RPS24: variants seen among roughly 807,000 people sequenced by gnomAD.
RPS24 encodes the protein small ribosomal subunit protein eS24.
For synonymous variants in RPS24, 72 were observed against 55.6 expected (o/e 1.30, Z -1.31); for missense variants, 100 against 162.5 (o/e 0.62, Z 2.09).
At position 78,040,133 on chromosome 10, in the gene RPS24, T is replaced by C; in HGVS notation, c.391-71T>C. The C allele has an allele frequency of 2.0e-6, 3 of 1,464,356 alleles. No homozygotes were observed. In the South Asian group the frequency reaches 3.4e-5, roughly 17 times the overall value. 90.7% of individuals were successfully genotyped at this position (1,464,356 alleles called of 1,614,324 possible). A position where few individuals can be genotyped will look rare whatever the true frequency, so the allele number is the denominator to read the frequency against. ...CTTAAATGCAGATTATTTTGGAGTT[T>C]GAAAAGGGACTATTAATGAAATCTT... On this transcript the variant is annotated intron_variant, in intron 4 of 5. Coordinates refer to ENST00000372360, the MANE Select transcript of RPS24 (RefSeq NM_033022.4).
downstream of RPS24, among the ~76,000 whole-genome samples, chr10:78,044,032 G>T (rs1397357751): frequency 6.7e-6 from 1 of 148,312 alleles, no homozygotes; most frequent in Non-Finnish European, 1.5e-5. Flanking sequence ...CAGAGGAAAA[G>T]AGTTCATGCA....
intron 3 of RPS24, 33 bp downstream of exon 3, chr10:78,035,753 G>C (rs1304399828): frequency 1.3e-6 from 2 of 1,554,036 alleles, no homozygotes; most frequent in Non-Finnish European, 1.8e-6. Context: ...ATCAGCTCCT[G>C]AAGACCTATT....
exon 5 of RPS24, chr10:78,055,049 G>T (rs1453945212): frequency 6.9e-7 from 1 of 1,457,144 alleles, no homozygotes; most frequent in East Asian, 2.5e-5. Flanking sequence ...TTCTGAGGAT[G>T]CTTCATCTCT....
downstream of RPS24, among the ~76,000 whole-genome samples, chr10:78,045,688 G>A (rs1413307896): frequency 6.6e-6 from 1 of 151,610 alleles, no homozygotes; most frequent in Non-Finnish European, 1.5e-5. Flanking sequence ...TCACCATGTT[G>A]GCCAGGCTGG....
intron 4 of RPS24, among the ~76,000 whole-genome samples, chr10:78,047,239 T>G (rs1342499162): frequency 3.9e-5 from 6 of 152,146 alleles, no homozygotes; most frequent in Admixed American, 1.3e-4. Flanking sequence ...GTGCTGGGAT[T>G]ATAGGTGTGA....
intron 4 of RPS24, among the ~76,000 whole-genome samples, chr10:78,046,469 C>T (rs1848045003): frequency 6.7e-6 from 1 of 150,258 alleles, no homozygotes; most frequent in Non-Finnish European, 1.5e-5. Flanking sequence ...AGTGATTCTC[C>T]TGCCTCAGCC....
intron 4 of RPS24, among the ~76,000 whole-genome samples, chr10:78,047,044 TC>T (rs1848050736): frequency 6.6e-6 from 1 of 151,750 alleles, no homozygotes; most frequent in Admixed American, 6.6e-5. Flanking sequence ...CACTGCAACC[TC>T]CGCCTCCTGG....
Position 78,035,842 on chromosome 10 carries a change from G to T in RPS24, c.279+122G>T, listed in dbSNP as rs114145468. The T allele has an allele frequency of 1.0e-3, 861 of 854,202 alleles. 8 individuals carry two copies. The African/African-American group carries it at 0.012, about 12-fold the overall frequency. The allele number at this position is 854,202 out of a possible 1,614,324, so 52.9% of individuals were successfully genotyped here. A position where few individuals can be genotyped will look rare whatever the true frequency, so the allele number is the denominator to read the frequency against. Reference sequence around the variant, plus strand: ...TGGGATACAACTCTGAAAGGATTAAGAGAAAAAGTTATTTCATAAAATGCA... The same window carrying T: ...TGGGATACAACTCTGAAAGGATTAATAGAAAAAGTTATTTCATAAAATGCA... On this transcript the variant is annotated intron_variant, in intron 3 of 5. Transcript: ENST00000372360.
chr10:78,044,221 A>G (rs748931109), downstream of RPS24, among the ~76,000 whole-genome samples: 1 of 152,174 alleles, frequency 6.6e-6, no homozygotes, highest in Non-Finnish European at 1.5e-5. Flanking sequence ...GGCAAGAGAC[A>G]TGATCTGATT....
intron 4 of RPS24, among the ~76,000 whole-genome samples, chr10:78,051,883 C>T (rs1848101828): frequency 6.6e-6 from 1 of 152,006 alleles, no homozygotes; most frequent in South Asian, 2.1e-4. Flanking sequence ...CTGTTTGAAT[C>T]CTTTGCTTAT....
chr10:78,036,180 A>G (rs1447465958), intron 3 of RPS24: 2 of 206,062 alleles, frequency 9.7e-6, no homozygotes, highest in Non-Finnish European at 2.0e-5. Flanking sequence ...GTAAACAAGT[A>G]AGCATCATCA....
At chr10:78,038,553 T>A (rs867769005) in intron 4 of RPS24, 4 of 141,908 alleles carry the variant, frequency 2.8e-5, no homozygotes, top group African/African-American at 1.3e-4. Flanking sequence ...TTTTTTTTTT[T>A]TAAAATAGAA....
chr10:78,034,837 G>A (rs1847826570), intron 1 of RPS24, among the ~76,000 whole-genome samples: 1 of 152,222 alleles, frequency 6.6e-6, no homozygotes, highest in African/African-American at 2.4e-5. Context: ...TTCATTGAGT[G>A]ACCTTTATAT....
At chr10:78,049,588 G>A (rs78604178) in intron 4 of RPS24, among the ~76,000 whole-genome samples, 1 of 152,206 alleles carries the variant, frequency 6.6e-6, no homozygotes, top group Non-Finnish European at 1.5e-5. Flanking sequence ...TGCCAATGCT[G>A]GTGCCATTCT....
chr10:78,045,091 C>T (rs1848029479), downstream of RPS24, among the ~76,000 whole-genome samples: 1 of 152,058 alleles, frequency 6.6e-6, no homozygotes, highest in African/African-American at 2.4e-5. Flanking sequence ...TGGGTTCAAG[C>T]AATTCTCTGC....
At chr10:78,054,880 C>T in exon 5 of RPS24, 2 of 1,546,500 alleles carry the variant, frequency 1.3e-6, no homozygotes, top group South Asian at 2.4e-5. Context: ...TTGCCAGAAG[C>T]CTTGTCAGCA....
At chr10:78,042,035 T>C (rs370948541), downstream of RPS24, among the ~76,000 whole-genome samples, 31 of 152,344 alleles carry the variant, frequency 2.0e-4, no homozygotes, top group South Asian at 5.4e-3. Flanking sequence ...TGTGATATTA[T>C]AGAAAATGTG....
rs1848113737 is a variant in RPS24, at chr10:78,052,942, A to G, written c.391-1589A>G. Among the ~76,000 whole-genome samples, 4 of 152,264 alleles carry G rather than the reference A, an allele frequency of 2.6e-5. No individual in the cohort carries two copies. In the South Asian group the frequency reaches 8.3e-4, roughly 32 times the overall value. On this transcript the variant is annotated intron_variant, in intron 4 of 4. Transcript: ENST00000440692. ...CGAAGTGGGTGGATCACCTGAGGTC[A>G]GGAGTTCGAGACTGTCCTTACCAAT...
chr10:78,050,436 A>T (rs1398571026), intron 4 of RPS24, among the ~76,000 whole-genome samples: 1 of 152,202 alleles, frequency 6.6e-6, no homozygotes, highest in Non-Finnish European at 1.5e-5. Context: ...CCGCTGAGAC[A>T]TCTGTCTTTC....
Sources: allele counts gnomAD v4.1 joint callset (sites outside exome capture counted in the v4.1 genomes callset), GRCh38; gene constraint gnomAD v4.1.1; transcripts MANE v1.5; gene names NCBI Gene and HGNC (gene_info 2026-07-23, HGNC 2026-07-21).